ATP2B2: variants seen among roughly 807,000 people sequenced by gnomAD.
ATP2B2 encodes the protein plasma membrane calcium-transporting ATPase 2.
ATP2B2 carries 15 observed loss-of-function variants against 120.0 expected under a neutral mutation model. The observed-to-expected ratio is 0.12, with a 90% CI of 0.08 to 0.19. The LOEUF is 0.19. Among genes scored for constraint, ATP2B2 ranks in the 10% least tolerant of loss-of-function variants. The probability of loss-of-function intolerance (pLI) is 1.00; values close to 1 mark genes in which losing one functional copy is unlikely to be tolerated. For missense variants in ATP2B2, 1,045 were observed against 1,719.8 expected, an observed-to-expected ratio of 0.61 and a Z score of 6.94; for synonymous variants, 694 against 700.3, an observed-to-expected ratio of 0.99 and a Z score of 0.14.
chr3:10,412,629 C>T (rs2062650445), intron 2 of ATP2B2, among the ~76,000 whole-genome samples: 1 of 152,142 alleles, frequency 6.6e-6, no homozygotes. Context: ...CCTTTACTTG[C>T]CACAGTCTTC....
At chr3:10,359,074 A>G (rs2125447299) in intron 13 of ATP2B2, 149 bp from the exon 14 acceptor site, 7 of 799,772 alleles carry the variant, frequency 8.8e-6, no homozygotes, top group South Asian at 1.8e-5. Context: ...GGTGAAATCA[A>G]GCATTCGTCC....
Position 10,673,854 on chromosome 3 carries a change from G to A in ATP2B2, c.-460+34061C>T, listed in dbSNP as rs1373467192. Among the ~76,000 whole-genome samples, 4 of 147,638 alleles carry A rather than the reference G, an allele frequency of 2.7e-5. No homozygotes were observed. The South Asian group carries it at 8.9e-4, about 33-fold the overall frequency. ...GAAGGAAAGAAAGAAAGGAAGGAAGGAAGGAAGAGAAAGCAAGCCTTTGGA... is the reference window on the plus strand; with the variant it reads ...GAAGGAAAGAAAGAAAGGAAGGAAGAAAGGAAGAGAAAGCAAGCCTTTGGA... On this transcript the variant is annotated intron_variant, in intron 1 of 21. Coordinates refer to the ATP2B2 transcript ENST00000646379.
chr3:10,350,599 A>T (rs760134499), intron 14 of ATP2B2, 22 bp from the exon 15 acceptor site: 1 of 1,606,862 alleles, frequency 6.2e-7, no homozygotes, highest in Non-Finnish European at 8.5e-7. Flanking sequence ...GGCAGGGGCC[A>T]TGGGGGAGGG....
chr3:10,562,209 C>A (rs1303943886), intron 2 of ATP2B2, among the ~76,000 whole-genome samples: 4 of 152,132 alleles, frequency 2.6e-5, no homozygotes, highest in African/African-American at 9.7e-5. Flanking sequence ...ATCAGATGAG[C>A]TGCACCTTCA....
intron 2 of ATP2B2, among the ~76,000 whole-genome samples, chr3:10,568,337 T>C (rs2068053679): frequency 6.6e-6 from 1 of 152,078 alleles, no homozygotes; most frequent in African/African-American, 2.4e-5. Flanking sequence ...ACCAAAGCCA[T>C]GAGTGTCCAG....
intron 12 of ATP2B2, among the ~76,000 whole-genome samples, chr3:10,369,866 C>T (rs529559387): frequency 2.0e-4 from 31 of 152,304 alleles, no homozygotes; most frequent in African/African-American, 4.3e-4. Context: ...CTTCCCACAT[C>T]GACGGCTGTC....
At chr3:10,388,491 T>C (rs2061749391) in intron 5 of ATP2B2, 89 bp from the exon 6 acceptor site, 1 of 1,590,554 alleles carries the variant, frequency 6.3e-7, no homozygotes, top group Non-Finnish European at 8.6e-7. Flanking sequence ...AGTCAGCTCC[T>C]GGCTCTTTGC....
rs140668346 is a variant in ATP2B2, at chr3:10,556,158, C to T, written c.-414-22025G>A. Among the ~76,000 whole-genome samples the T allele has an allele frequency of 1.3e-3, 198 of 152,292 alleles. 4 individuals are homozygous for T. In the East Asian group the frequency reaches 0.036, roughly 27 times the overall value. On this transcript the variant is annotated intron_variant, in intron 2 of 21. Coordinates refer to the ATP2B2 transcript ENST00000646379. ...GAAGTGATCTGCCCTCCTTGGCCTC[C>T]CAAAGTGCTGGGATTATAGGCGTGA...
At chr3:10,459,302 A>T (rs2064388235) in intron 1 of ATP2B2, among the ~76,000 whole-genome samples, 1 of 152,260 alleles carries the variant, frequency 6.6e-6, no homozygotes. Flanking sequence ...AGGCTAAAAC[A>T]GTAAAGTCAC....
Position 10,340,533 on chromosome 3 carries a change from G to C in ATP2B2, c.3089C>G (p.Pro1030Arg). The change falls in exon 20 of 23, where the codon CCC becomes CGC. Residue 1030 changes from proline to arginine, a missense_variant. This residue lies in a region of ATP2B2 where 211 missense variants were observed against 385.1 expected (regional missense o/e 0.55). Transcript: ENST00000360273. This position sits in a 1 kb window ranked among gnomAD's most constrained non-coding sequence, Gnocchi z 5.0. ...GCCCAGCACGATGGTGCAGAAGATG[G>C]GGTTCCGGAAGATGCCGTCAAAGAC... is the stretch of plus-strand genomic sequence containing the variant. ...RNVFDGIFRNPIFCTIVLGTF... is the reference protein window; with the variant it reads ...RNVFDGIFRNRIFCTIVLGTF... 6.2e-7 allele frequency: 1 copy of C among 1,614,238 alleles called. No individual in the cohort carries two copies. The highest frequency in any genetic ancestry group is 8.5e-7 in the Non-Finnish European group (1 of 1,180,036).
chr3:10,704,735 G>T (rs529582227), intron 1 of ATP2B2, among the ~76,000 whole-genome samples: 3 of 152,234 alleles, frequency 2.0e-5, no homozygotes, highest in African/African-American at 7.2e-5. Context: ...AATTGGAGAG[G>T]GTGGAAAGGA....
chr3:10,598,069 T>C (rs933403521), intron 2 of ATP2B2, among the ~76,000 whole-genome samples: 9 of 152,164 alleles, frequency 5.9e-5, no homozygotes, highest in African/African-American at 2.4e-5. Context: ...AGGTAAGTGA[T>C]GAGACAAACG....
chr3:10,664,048 C>G (rs1486706906), intron 1 of ATP2B2, among the ~76,000 whole-genome samples: 2 of 152,072 alleles, frequency 1.3e-5, no homozygotes, highest in African/African-American at 4.8e-5. Context: ...TCATGTCCAC[C>G]CCAGAATCTC....
At chr3:10,372,184 T>A (rs895342167) in intron 11 of ATP2B2, 133 bp from the exon 12 acceptor site, 12 of 1,303,270 alleles carry the variant, frequency 9.2e-6, no homozygotes, top group Non-Finnish European at 1.3e-5. Flanking sequence ...TTCCGGCACT[T>A]GTAAAGGATC....
chr3:10,362,050 G>A (rs1254759682), intron 12 of ATP2B2, among the ~76,000 whole-genome samples: 2 of 152,320 alleles, frequency 1.3e-5, no homozygotes, highest in East Asian at 3.9e-4. Context: ...TAATAACATT[G>A]AGACAGGTGA....
At chr3:10,581,335 G>T (rs1403958174) in intron 2 of ATP2B2, among the ~76,000 whole-genome samples, 1 of 152,250 alleles carries the variant, frequency 6.6e-6, no homozygotes, top group Non-Finnish European at 1.5e-5. Flanking sequence ...CAGAATCTGA[G>T]CTGAGTCATT....
intron 1 of ATP2B2, among the ~76,000 whole-genome samples, chr3:10,684,312 C>G (rs921707358): frequency 6.6e-6 from 1 of 152,220 alleles, no homozygotes; most frequent in Non-Finnish European, 1.5e-5. Context: ...CAACTGGTGA[C>G]CACCTGGAAT....
chr3:10,703,439 T>C (rs993224233), intron 1 of ATP2B2, among the ~76,000 whole-genome samples: 1 of 152,156 alleles, frequency 6.6e-6, no homozygotes, highest in Non-Finnish European at 1.5e-5. Context: ...GCTTCTATTC[T>C]ATTAGGGAGA....
intron 1 of ATP2B2, among the ~76,000 whole-genome samples, chr3:10,494,471 G>A (rs1575405018): frequency 6.6e-6 from 1 of 152,132 alleles, no homozygotes. Context: ...TCAAGCTCCA[G>A]GGGCTGCTCT....
Sources: gnomAD v4.1 joint callset for allele counts (sites outside exome capture counted in the v4.1 genomes callset) on GRCh38, gnomAD v4.1.1 for gene constraint, gnomAD v4.1.1 regional missense constraint, Gnocchi (gnomAD v3.1) non-coding constraint, MANE v1.5 for transcripts, NCBI Gene and HGNC (gene_info 2026-07-23, HGNC 2026-07-21) for gene names.